USP12: variants seen among roughly 807,000 people sequenced by gnomAD.
USP12 encodes the protein ubiquitin specific peptidase 12, also known as ubiquitin carboxyl-terminal hydrolase 12.
In USP12, 19 loss-of-function variants were observed where a neutral mutation model predicts 45.5. The observed-to-expected ratio is 0.42, with a 90% CI of 0.29 to 0.61. USP12 has a LOEUF of 0.61. Ranked by LOEUF, USP12 falls within the 20% of genes least tolerant of loss-of-function variation. The pLI, the probability that USP12 is intolerant of heterozygous loss-of-function variation, is 0.22. For missense variants in USP12, 242 were observed against 447.7 expected (o/e 0.54, Z 4.15); for synonymous variants, 149 against 148.8 (o/e 1.00, Z -0.01).
intron 4 of USP12, among the ~76,000 whole-genome samples, chr13:27,090,833 T>G (rs765808910): frequency 2.0e-5 from 3 of 152,192 alleles, no homozygotes; most frequent in Non-Finnish European, 4.4e-5. Context: ...CCCATTTTAA[T>G]ACATCAAAAT....
At chr13:27,088,367 A>G (rs1273747583) in intron 6 of USP12, among the ~76,000 whole-genome samples, 1 of 146,010 alleles carries the variant, frequency 6.8e-6, no homozygotes, top group Non-Finnish European at 1.5e-5. Context: ...CAGTGAGCCG[A>G]GATCGCACCA....
At chr13:27,144,349 G>A (rs1877210537) in intron 1 of USP12, among the ~76,000 whole-genome samples, 1 of 151,978 alleles carries the variant, frequency 6.6e-6, no homozygotes, top group Non-Finnish European at 1.5e-5. Context: ...TAAAGTATTA[G>A]CCAGGCATGG....
At chr13:27,094,928 G>A (rs889761336) in intron 4 of USP12, among the ~76,000 whole-genome samples, 1 of 151,666 alleles carries the variant, frequency 6.6e-6, no homozygotes, top group East Asian at 1.9e-4. Context: ...TGGAAAGACT[G>A]CTTGAGCCCA....
chr13:27,120,700 A>G (rs1875944382), intron 1 of USP12, among the ~76,000 whole-genome samples: 1 of 152,056 alleles, frequency 6.6e-6, no homozygotes, highest in African/African-American at 2.4e-5. Flanking sequence ...CACATGACAT[A>G]CACAAATGGA....
At chr13:27,158,008 T>C (rs1164239407) in intron 1 of USP12, among the ~76,000 whole-genome samples, 1 of 152,232 alleles carries the variant, frequency 6.6e-6, no homozygotes, top group East Asian at 1.9e-4. Flanking sequence ...ATGGACCTGA[T>C]TGCGCCATTA....
At chr13:27,154,983 C>A (rs1877751380) in intron 1 of USP12, among the ~76,000 whole-genome samples, 1 of 150,560 alleles carries the variant, frequency 6.6e-6, no homozygotes, top group Non-Finnish European at 1.5e-5. Flanking sequence ...GTCCCTCCTG[C>A]AGCTCCAGGA....
intron 6 of USP12, chr13:27,089,612 G>T: frequency 3.4e-6 from 1 of 291,820 alleles, no homozygotes. Flanking sequence ...CATCAGGAAA[G>T]CCTCAAAGCC....
At chr13:27,161,115 C>CT (rs1162734000) in intron 1 of USP12, among the ~76,000 whole-genome samples, 1 of 152,196 alleles carries the variant, frequency 6.6e-6, no homozygotes, top group Non-Finnish European at 1.5e-5. Flanking sequence ...AAAGTCCCAG[C>CT]TACTACCCCC....
At chr13:27,142,203 T>C (rs1318706101) in intron 1 of USP12, among the ~76,000 whole-genome samples, 1 of 152,080 alleles carries the variant, frequency 6.6e-6, no homozygotes, top group Non-Finnish European at 1.5e-5. Context: ...AATGGTCTGC[T>C]AAAAAATGTA....
intron 2 of USP12, among the ~76,000 whole-genome samples, chr13:27,112,770 T>C (rs987875781): frequency 1.4e-4 from 22 of 152,184 alleles, no homozygotes; most frequent in Admixed American, 6.5e-5. Context: ...AGATAGAGTA[T>C]AGGCACCAGT....
At chr13:27,143,595 AAAGTGAAATATT>A (rs1877170732) in intron 1 of USP12, among the ~76,000 whole-genome samples, 1 of 152,230 alleles carries the variant, frequency 6.6e-6, no homozygotes, top group Admixed American at 6.5e-5. Flanking sequence ...GGTAATCTGC[AAAGTGAAATATT>A]TCCCTTATGA....
At chr13:27,134,789 A>G (rs1228428544) in intron 1 of USP12, among the ~76,000 whole-genome samples, 2 of 152,108 alleles carry the variant, frequency 1.3e-5, no homozygotes, top group Non-Finnish European at 2.9e-5. Context: ...TTAATGATCT[A>G]TTAAGTGGGG....
In USP12 at chr13:27,105,724, G is replaced by A; in HGVS notation, c.343+7C>T. 1 of 1,611,530 alleles carries A rather than the reference G, an allele frequency of 6.2e-7. No homozygotes were observed. Among genetic ancestry groups the A allele is most frequent in the East Asian group, 2.2e-5 (1 of 44,850 alleles). On this transcript the variant is annotated splice_region_variant and intron_variant, in intron 3 of 8. Transcript: ENST00000282344. Reference sequence around the variant, plus strand: ...TATGTCATTAATACAGTGGGAAGTAGAATTACCATTTTCTTTCCGTAATCT... The same window carrying A: ...TATGTCATTAATACAGTGGGAAGTAAAATTACCATTTTCTTTCCGTAATCT...
chr13:27,160,029 G>A (rs1310311155), intron 1 of USP12, among the ~76,000 whole-genome samples: 2 of 152,182 alleles, frequency 1.3e-5, no homozygotes, highest in African/African-American at 2.4e-5. Flanking sequence ...TTGGCAGGAG[G>A]AGTAACCTGA....
chr13:27,072,199 T>C (rs1467150947), intron 7 of USP12, among the ~76,000 whole-genome samples: 1 of 152,120 alleles, frequency 6.6e-6, no homozygotes, highest in East Asian at 1.9e-4. Flanking sequence ...TTTAGGCTCA[T>C]CTAAAGGGTC....
intron 1 of USP12, among the ~76,000 whole-genome samples, chr13:27,148,006 T>C (rs955270316): frequency 2.6e-5 from 4 of 151,852 alleles, no homozygotes; most frequent in Non-Finnish European, 1.5e-5. Flanking sequence ...TGTGCACCTG[T>C]AGTCCCAAGC....
chr13:27,168,787 C>T (rs933183358), intron 1 of USP12: 1 of 152,144 alleles, frequency 6.6e-6, no homozygotes, highest in African/African-American at 2.4e-5. Context: ...TAAAATAAGA[C>T]ACAGCTGAAG....
chr13:27,079,202 G>A (rs1286088627), intron 6 of USP12, among the ~76,000 whole-genome samples: 2 of 68,356 alleles, frequency 2.9e-5, no homozygotes, highest in Non-Finnish European at 4.1e-5. Flanking sequence ...ATTTAATGTC[G>A]TGCTCCCTGT....
chr13:27,125,625 C>A (rs753798652), intron 1 of USP12, among the ~76,000 whole-genome samples: 2 of 152,184 alleles, frequency 1.3e-5, no homozygotes, highest in Non-Finnish European at 2.9e-5. Flanking sequence ...GTACAGTCCA[C>A]GGAGGGTGAG....
Sources: allele counts gnomAD v4.1 joint callset (sites outside exome capture counted in the v4.1 genomes callset), GRCh38; gene constraint gnomAD v4.1.1; transcripts MANE v1.5; gene names NCBI Gene and HGNC (gene_info 2026-07-23, HGNC 2026-07-21).